Variants in NALF1 observed in about 807,000 individuals in gnomAD.
NALF1 encodes the protein family with sequence similarity 155 member A.
Under a neutral mutation model 48.4 loss-of-function variants are expected in NALF1, and 3 were observed. The observed-to-expected ratio is 0.06, with a 90% CI of 0.03 to 0.16. The LOEUF is 0.16. Ranked by LOEUF, NALF1 falls within the 10% of genes least tolerant of loss-of-function variation. The pLI is 1.00. For missense variants in NALF1, 526 were observed against 571.5 expected, an observed-to-expected ratio of 0.92 and a Z score of 0.81; for synonymous variants, 262 against 245.7, an observed-to-expected ratio of 1.07 and a Z score of -0.62.
At chr13:107,381,618 G>A (rs1883441470) in intron 1 of NALF1, among the ~76,000 whole-genome samples, 1 of 152,000 alleles carries the variant, frequency 6.6e-6, no homozygotes, top group Non-Finnish European at 1.5e-5. Flanking sequence ...TAAAAGGGCT[G>A]GGAATGATAG....
chr13:107,364,219 T>C (rs1883112951), intron 1 of NALF1, among the ~76,000 whole-genome samples: 1 of 152,218 alleles, frequency 6.6e-6, no homozygotes, highest in South Asian at 2.1e-4. Context: ...TTCAAAATAA[T>C]TTTGATAAAT....
chr13:107,365,713 G>A (rs1038390157), intron 1 of NALF1, among the ~76,000 whole-genome samples: 2 of 152,160 alleles, frequency 1.3e-5, no homozygotes, highest in Non-Finnish European at 2.9e-5. Flanking sequence ...GTCAGGCAGT[G>A]AATGGACTGT....
intron 1 of NALF1, among the ~76,000 whole-genome samples, chr13:107,496,444 G>A (rs1421640851): frequency 2.0e-5 from 3 of 152,152 alleles, no homozygotes; most frequent in African/African-American, 7.2e-5. Flanking sequence ...CTATTGCTGA[G>A]ACGGTGTTTA....
chr13:107,210,189 CAT>C (rs1428059378), intron 2 of NALF1, among the ~76,000 whole-genome samples: 3 of 152,128 alleles, frequency 2.0e-5, no homozygotes, highest in East Asian at 3.8e-4. Context: ...GGCAAGAGAA[CAT>C]AAACTTCTGA....
At chr13:107,550,497 T>C (rs1877262291) in intron 1 of NALF1, among the ~76,000 whole-genome samples, 1 of 152,160 alleles carries the variant, frequency 6.6e-6, no homozygotes, top group Non-Finnish European at 1.5e-5. Flanking sequence ...TGTCCCCCTT[T>C]CATAATTATA....
chr13:107,740,594 GA>G (rs1453738646), intron 1 of NALF1, among the ~76,000 whole-genome samples: 1 of 152,092 alleles, frequency 6.6e-6, no homozygotes, highest in Non-Finnish European at 1.5e-5. Context: ...ACATGTAACA[GA>G]AAACTAAAAG....
At chr13:107,860,048 ATTAAAC>A (rs1034140986) in intron 1 of NALF1, among the ~76,000 whole-genome samples, 22 of 152,164 alleles carry the variant, frequency 1.4e-4, no homozygotes, top group Admixed American at 1.2e-3. Context: ...TATCTCATGA[ATTAAAC>A]TTAAAAAATA....
intron 1 of NALF1, among the ~76,000 whole-genome samples, chr13:107,253,662 C>T (rs1295690769): frequency 6.6e-6 from 1 of 152,222 alleles, no homozygotes; most frequent in Admixed American, 6.5e-5. Context: ...ATTTATCTAA[C>T]TTAACCTCCC....
intron 1 of NALF1, among the ~76,000 whole-genome samples, chr13:107,723,192 T>C (rs1231482966): frequency 6.6e-6 from 1 of 152,168 alleles, no homozygotes; most frequent in East Asian, 1.9e-4. Context: ...GATGACCCAG[T>C]ACCAGAATCC....
intron 1 of NALF1, among the ~76,000 whole-genome samples, chr13:107,237,605 T>C (rs1880379258): frequency 6.6e-6 from 1 of 152,186 alleles, no homozygotes; most frequent in Non-Finnish European, 1.5e-5. Flanking sequence ...TGCTATGTCA[T>C]TAGATGTTAC....
chr13:107,340,286 G>A (rs1181635735), intron 1 of NALF1, among the ~76,000 whole-genome samples: 2 of 151,280 alleles, frequency 1.3e-5, no homozygotes, highest in Admixed American at 1.3e-4. Flanking sequence ...GATTACAGGT[G>A]CCCACCAACA....
chr13:107,705,747 G>A (rs1881932663), intron 1 of NALF1, among the ~76,000 whole-genome samples: 1 of 151,996 alleles, frequency 6.6e-6, no homozygotes, highest in Admixed American at 6.6e-5. Flanking sequence ...CTCTGCTGAG[G>A]ACAAAACAAA....
At chr13:107,381,247 C>T (rs2138974156) in intron 1 of NALF1, among the ~76,000 whole-genome samples, 1 of 150,308 alleles carries the variant, frequency 6.7e-6, no homozygotes, top group East Asian at 2.0e-4. Flanking sequence ...GTTGCCCAGG[C>T]TGGAGTGCAG....
intron 2 of NALF1, among the ~76,000 whole-genome samples, chr13:107,192,313 A>G (rs1879300309): frequency 6.6e-6 from 1 of 152,160 alleles, no homozygotes; most frequent in African/African-American, 2.4e-5. Flanking sequence ...ACTGACACAC[A>G]GATATTCTGC....
chr13:107,755,962 G>A (rs1877081182), intron 1 of NALF1, among the ~76,000 whole-genome samples: 1 of 152,050 alleles, frequency 6.6e-6, no homozygotes, highest in African/African-American at 2.4e-5. Flanking sequence ...ATGACACAGA[G>A]GTCACTAAAG....
At chr13:107,588,084 C>A (rs1878507313) in intron 1 of NALF1, among the ~76,000 whole-genome samples, 1 of 152,142 alleles carries the variant, frequency 6.6e-6, no homozygotes, top group Non-Finnish European at 1.5e-5. Context: ...ACTGTTCTCA[C>A]AATTCTCGCA....
chr13:107,254,183 T>A (rs528306117), intron 1 of NALF1, among the ~76,000 whole-genome samples: 2 of 152,178 alleles, frequency 1.3e-5, no homozygotes, highest in South Asian at 2.1e-4. Flanking sequence ...ACTCACTGAA[T>A]CTTCACAGTT....
chr13:107,775,074 CT>C (rs1877686090), intron 1 of NALF1, among the ~76,000 whole-genome samples: 1 of 152,162 alleles, frequency 6.6e-6, no homozygotes, highest in Non-Finnish European at 1.5e-5. Flanking sequence ...TTTAATTATA[CT>C]TTAAGTTTTA....
chr13:107,759,742 G>A (rs983833960), intron 1 of NALF1, among the ~76,000 whole-genome samples: 2 of 151,226 alleles, frequency 1.3e-5, no homozygotes, highest in African/African-American at 4.8e-5. Context: ...GCCTCAATTA[G>A]CTATCTTCAA....
Sources: allele counts gnomAD v4.1 joint callset (sites outside exome capture counted in the v4.1 genomes callset), GRCh38; gene constraint gnomAD v4.1.1; transcripts MANE v1.5; gene names NCBI Gene and HGNC (gene_info 2026-07-23, HGNC 2026-07-21).